The following ICA1 variants were observed in gnomAD, a reference collection of about 807,000 sequenced individuals.
The protein encoded by ICA1 is 69 kDa islet cell autoantigen.
A neutral mutation model predicts 71.0 loss-of-function variants in ICA1; 40 were observed. The ratio of observed to expected loss-of-function variants is 0.56; its 90% CI spans 0.44 to 0.73. The LOEUF is 0.73. Among genes scored for constraint, ICA1 ranks in the 30% least tolerant of loss-of-function variants. The probability of loss-of-function intolerance (pLI) is 0.00; values close to 1 mark genes in which losing one functional copy is unlikely to be tolerated. For missense variants in ICA1, 578 were observed against 576.5 expected (o/e 1.00, Z -0.03); for synonymous variants, 207 against 209.5 (o/e 0.99, Z 0.10).
intron 8 of ICA1, among the ~76,000 whole-genome samples, chr7:8,156,060 T>C (rs1334665567): frequency 6.6e-6 from 1 of 152,196 alleles, no homozygotes; most frequent in African/African-American, 2.4e-5. Flanking sequence ...GAGAGGATAA[T>C]GAAGAACAAA....
intron 6 of ICA1, among the ~76,000 whole-genome samples, chr7:8,214,635 G>T (rs1794825781): frequency 6.6e-6 from 1 of 152,152 alleles, no homozygotes; most frequent in Non-Finnish European, 1.5e-5. Flanking sequence ...CCACCTCTTT[G>T]TATTTCCACC....
intron 13 of ICA1, among the ~76,000 whole-genome samples, chr7:8,122,533 C>G (rs752701925): frequency 6.6e-6 from 1 of 152,258 alleles, no homozygotes; most frequent in South Asian, 2.1e-4. Context: ...GGCGGAACTC[C>G]GTTCCATTGC....
intron 8 of ICA1, among the ~76,000 whole-genome samples, chr7:8,152,415 T>C (rs1799133087): frequency 6.6e-6 from 1 of 151,928 alleles, no homozygotes; most frequent in Admixed American, 6.6e-5. Context: ...CAGCACTATG[T>C]CATTACTGGA....
At chr7:8,235,429 A>G (rs3807815) in intron 2 of ICA1, among the ~76,000 whole-genome samples, 89,250 of 151,888 alleles carry the variant, frequency 0.59, 26,502 homozygotes, top group African/African-American at 0.64. Flanking sequence ...ATTCAGCATC[A>G]TTTACTTTTG....
chr7:8,220,249 G>A (rs1365299768), intron 5 of ICA1, among the ~76,000 whole-genome samples: 1 of 152,134 alleles, frequency 6.6e-6, no homozygotes, highest in Non-Finnish European at 1.5e-5. Flanking sequence ...CCAAAGTCAG[G>A]GTCCAAATGT....
At chr7:8,122,068 G>C (rs1040456738) in intron 13 of ICA1, among the ~76,000 whole-genome samples, 3 of 152,166 alleles carry the variant, frequency 2.0e-5, no homozygotes, top group African/African-American at 7.2e-5. Context: ...AGATACTGAA[G>C]GATGAGAAGT....
At chr7:8,197,330 G>A (rs970008441) in intron 6 of ICA1, among the ~76,000 whole-genome samples, 7 of 151,398 alleles carry the variant, frequency 4.6e-5, no homozygotes, top group Admixed American at 1.3e-4. Flanking sequence ...CGAAGCGGGC[G>A]GATCACAAGG....
Position 8,221,107 on chromosome 7 carries a change from CTTAA to C in ICA1, c.380+164_380+167del, listed in dbSNP as rs369572651. 1.4e-4 allele frequency among the ~76,000 whole-genome samples: 22 copies of C among 152,210 alleles called. No individual in the cohort carries two copies. In the East Asian group the frequency reaches 2.9e-3, roughly 20 times the overall value. On this transcript the variant is annotated intron_variant, in intron 5 of 13. Coordinates refer to ENST00000402384, the MANE Select transcript of ICA1 (RefSeq NM_001136020.3). The stretch of plus-strand genomic sequence containing the variant: ...GGAAAAAAAAATCCTATGTGTTAAT[CTTAA>C]TTAGAGAGTTAAGTACAAACTGCCT...
intron 5 of ICA1, 134 bp from the exon 6 acceptor site, chr7:8,218,637 T>C: frequency 1.4e-6 from 1 of 709,124 alleles, no homozygotes. Context: ...CAATATTTGC[T>C]GAATAATAAT....
At chr7:8,183,926 A>C (rs1783061453) in intron 6 of ICA1, among the ~76,000 whole-genome samples, 2 of 152,204 alleles carry the variant, frequency 1.3e-5, no homozygotes, top group Non-Finnish European at 2.9e-5. Context: ...TATAAAAAAC[A>C]TAGTATTTGA....
intron 1 of ICA1, among the ~76,000 whole-genome samples, chr7:8,257,819 G>C (rs1437557323): frequency 6.6e-6 from 1 of 152,150 alleles, no homozygotes; most frequent in African/African-American, 2.4e-5. Context: ...TAATCCTCCT[G>C]AATCACAGAT....
chr7:8,172,260 A>C (rs912646596), intron 6 of ICA1, among the ~76,000 whole-genome samples: 3 of 152,044 alleles, frequency 2.0e-5, no homozygotes, highest in African/African-American at 7.2e-5. Context: ...ATATTCTATT[A>C]TCAGTTGTAG....
chr7:8,184,843 G>A (rs1365362854), intron 6 of ICA1, among the ~76,000 whole-genome samples: 1 of 152,200 alleles, frequency 6.6e-6, no homozygotes, highest in African/African-American at 2.4e-5. Context: ...GGGAGGCCAG[G>A]GCGGGCAGAT....
chr7:8,174,944 G>A (rs2058519), intron 6 of ICA1, among the ~76,000 whole-genome samples: 109,479 of 151,950 alleles, frequency 0.72, 39,720 homozygotes, highest in East Asian at 0.9. Flanking sequence ...CCAAGGCCAG[G>A]GAGAAATACA....
intron 1 of ICA1, among the ~76,000 whole-genome samples, chr7:8,239,700 T>C (rs1331417936): frequency 6.6e-6 from 1 of 152,198 alleles, no homozygotes; most frequent in African/African-American, 2.4e-5. Context: ...GCCCAAATAC[T>C]GCACTTTTCC....
At chr7:8,152,657 C>CACT (rs1799467961) in intron 8 of ICA1, among the ~76,000 whole-genome samples, 2 of 150,046 alleles carry the variant, frequency 1.3e-5, no homozygotes, top group African/African-American at 4.9e-5. Context: ...CCACCACCAC[C>CACT]ACCACCACCA....
intron 7 of ICA1, chr7:8,157,537 T>A: frequency 6.9e-6 from 2 of 291,722 alleles, no homozygotes; most frequent in Admixed American, 4.8e-5. Flanking sequence ...ATCCCTCAGC[T>A]GATTCTATTT....
At chr7:8,149,255 A>C (rs1278522406) in intron 8 of ICA1, among the ~76,000 whole-genome samples, 2 of 152,232 alleles carry the variant, frequency 1.3e-5, no homozygotes, top group African/African-American at 4.8e-5. Context: ...AAACCCACTC[A>C]GTCTCTCATT....
In ICA1 at chr7:8,113,982, G is replaced by C; in HGVS notation, c.1393C>G (p.Leu465Val). The C allele has an allele frequency of 1.9e-6, 3 of 1,614,170 alleles. No individual in the cohort carries two copies. The highest frequency in any genetic ancestry group is 2.5e-6 in the Non-Finnish European group (3 of 1,180,010). The stretch of plus-strand genomic sequence containing the variant: ...TTCCCAACAGCATCAGGATTTGAGA[G>C]TGGGTCGAGGTCAGCGAAGAGGCTG... The part of the protein sequence containing the change: ...WFSLFADLDP[L>V]SNPDAVGKTD... Residue 465 changes from leucine to valine, a missense_variant, in exon 14 of 14, where the codon CTC becomes GTC. Transcript: ENST00000402384. The surrounding 1 kb of genome is among the most constrained non-coding windows in gnomAD (Gnocchi z 4.2).
Sources: gnomAD v4.1 joint callset for allele counts (sites outside exome capture counted in the v4.1 genomes callset) on GRCh38, gnomAD v4.1.1 for gene constraint, Gnocchi (gnomAD v3.1) non-coding constraint, MANE v1.5 for transcripts, NCBI Gene and HGNC (gene_info 2026-07-23, HGNC 2026-07-21) for gene names.